The following L3MBTL2 variants were observed in gnomAD, a reference collection of about 807,000 sequenced individuals.
L3MBTL2 encodes L3MBTL histone methyl-lysine binding protein 2, also known as lethal(3)malignant brain tumor-like protein 2.
In L3MBTL2, 49 loss-of-function variants were observed where a neutral mutation model predicts 86.4. The ratio of observed to expected loss-of-function variants is 0.57; its 90% CI spans 0.45 to 0.72. The LOEUF is 0.72. Ranked by LOEUF, L3MBTL2 falls within the 30% of genes least tolerant of loss-of-function variation. The pLI, the probability that L3MBTL2 is intolerant of heterozygous loss-of-function variation, is 0.00. For synonymous variants in L3MBTL2, 336 were observed against 350.6 expected (o/e 0.96, Z 0.47); for missense variants, 755 against 923.7 (o/e 0.82, Z 2.37).
At chr22:41,217,278 C>A (rs530423760) in intron 5 of L3MBTL2, 76 bp downstream of exon 5, 10 of 1,157,874 alleles carry the variant, frequency 8.6e-6, no homozygotes, top group African/African-American at 1.5e-5. Flanking sequence ...TTCACCAGGG[C>A]GGCTTCAGGC....
In L3MBTL2 at chr22:41,227,776, C is replaced by T. The variant is rs1390544470; in HGVS notation, c.1823-28C>T. 10 of 1,613,470 alleles carry T rather than the reference C, an allele frequency of 6.2e-6. No individual in the cohort carries two copies. Among genetic ancestry groups the T allele is most frequent in the African/African-American group, 1.3e-5 (1 of 74,890 alleles). On this transcript the variant is annotated intron_variant, in intron 14 of 16. Transcript: ENST00000216237. This position sits in a 1 kb window ranked among gnomAD's most constrained non-coding sequence, Gnocchi z 6.0. ...GTCCTCCCAGGGACCCTCTTCTCATCTCTTTCACCCTTGTCTTTCAACAAC... is the reference window on the plus strand; with the variant it reads ...GTCCTCCCAGGGACCCTCTTCTCATTTCTTTCACCCTTGTCTTTCAACAAC...
At chr22:41,230,001 C>G (rs1354998216) in intron 16 of L3MBTL2, 138 bp from the exon 17 acceptor site, 4 of 717,106 alleles carry the variant, frequency 5.6e-6, no homozygotes, top group Non-Finnish European at 9.4e-6. Context: ...CACTGCCCTC[C>G]CAGAAGGGAA....
intron 8 of L3MBTL2, among the ~76,000 whole-genome samples, chr22:41,222,955 G>A (rs557802312): frequency 3.9e-5 from 6 of 152,106 alleles, no homozygotes; most frequent in Non-Finnish European, 7.4e-5. Context: ...CAAAAATGGC[G>A]TTGGATTGTG....
Position 41,224,701 on chromosome 22 carries a change from A to G in L3MBTL2, c.1175-24A>G, listed in dbSNP as rs917187413. 1 of 1,594,258 alleles carries G rather than the reference A, an allele frequency of 6.3e-7. No homozygotes were observed. Among genetic ancestry groups the G allele is most frequent in the African/African-American group, 1.3e-5 (1 of 74,588 alleles). On this transcript the variant is annotated intron_variant, in intron 9 of 16. Coordinates refer to ENST00000216237, the MANE Select transcript of L3MBTL2 (RefSeq NM_031488.5). The surrounding 1 kb of genome is among the most constrained non-coding windows in gnomAD (Gnocchi z 4.9). The stretch of plus-strand genomic sequence containing the variant: ...CGCCTCCAACTCCCTTCTCTCCCTC[A>G]TTCCCTATCCATCTCCTCCAAAGAG...
In L3MBTL2 at chr22:41,226,693, C is replaced by A; in HGVS notation, c.1536C>A (p.Asn512Lys). ...GYEAQTFNWE[N>K]YLEKTKSKAA... is the part of the protein sequence containing the mutation. Reference sequence around the variant, plus strand: ...AGGCACAGACTTTCAACTGGGAGAACTACTTGGAGAAGACCAAGTCGAAAG... The same window carrying A: ...AGGCACAGACTTTCAACTGGGAGAAATACTTGGAGAAGACCAAGTCGAAAG... Residue 512 changes from asparagine (N) to lysine (K), a missense_variant, in exon 13 of 17, where the codon AAC becomes AAA. Asn to Lys is a moderately conservative substitution (Grantham distance 94, BLOSUM62 0). Coordinates refer to ENST00000216237, the MANE Select transcript of L3MBTL2 (RefSeq NM_031488.5). 6.2e-7 allele frequency: 1 copy of A among 1,614,020 alleles called. No individual in the cohort carries two copies. The highest frequency in any genetic ancestry group is 8.5e-7 in the Non-Finnish European group (1 of 1,179,872).
chr22:41,223,083 A>G (rs370130629), intron 8 of L3MBTL2, among the ~76,000 whole-genome samples: 3 of 152,176 alleles, frequency 2.0e-5, no homozygotes, highest in African/African-American at 7.2e-5. Context: ...CTGCTGGGAT[A>G]CCGGATGTGG....
Position 41,211,856 on chromosome 22 carries a change from C to CTT in L3MBTL2, c.262+1947_262+1948dup, listed in dbSNP as rs35869187. On this transcript the variant is annotated intron_variant, in intron 2 of 16. Transcript: ENST00000216237. ...ACAGGCGTGAGCCACCGCACCCGGC[C>CTT]TTTTTTTTTTTTTTTTTTTTTTTTT... Among the ~76,000 whole-genome samples, 147 of 67,898 alleles carry CTT rather than the reference C, an allele frequency of 2.2e-3. 1 individual carries two copies. The highest frequency in any genetic ancestry group is 6.7e-3 in the East Asian group (20 of 2,968). 44.5% of individuals were successfully genotyped at this position (67,898 alleles called of 152,430 possible).
At chr22:41,215,941 CT>C (rs1183554726) in intron 3 of L3MBTL2, among the ~76,000 whole-genome samples, 197 bp from the exon 4 acceptor site, 1 of 152,186 alleles carries the variant, frequency 6.6e-6, no homozygotes, top group Non-Finnish European at 1.5e-5. Flanking sequence ...CTAGCACCCC[CT>C]AGCACCCCCG....
rs761057315 is a variant in L3MBTL2, at chr22:41,230,217, C to T, written c.2084C>T (p.Ser695Phe). The T allele has an allele frequency of 5.7e-5, 92 of 1,613,192 alleles. No homozygotes were observed. The highest frequency in any genetic ancestry group is 7.5e-5 in the Non-Finnish European group (88 of 1,179,602). Residue 695 changes from serine to phenylalanine, a missense_variant, in exon 17 of 17, where the codon TCC (serine) becomes TTC (phenylalanine). Coordinates refer to ENST00000216237, the MANE Select transcript of L3MBTL2 (RefSeq NM_031488.5). ...GCTTCAAGTCCAGAGCTGCCTGTCTCCGTCGAGAACATCAAGCAGGAAACA... is the reference window on the plus strand; with the variant it reads ...GCTTCAAGTCCAGAGCTGCCTGTCTTCGTCGAGAACATCAAGCAGGAAACA... ...DKASSPELPV[S>F]VENIKQETDD
Position 41,227,135 on chromosome 22 carries a change from T to G in L3MBTL2, c.1634T>G (p.Val545Gly). 1 of 1,613,638 alleles carries G rather than the reference T, an allele frequency of 6.2e-7. No individual in the cohort carries two copies. Among genetic ancestry groups the G allele is most frequent in the Non-Finnish European group, 8.5e-7 (1 of 1,179,988 alleles). ...AAGGTGGGCATGAAGCTGGAGGCCGTGGACCTGATGGAGCCCCGGCTCATC... is the reference window on the plus strand; with the variant it reads ...AAGGTGGGCATGAAGCTGGAGGCCGGGGACCTGATGGAGCCCCGGCTCATC... ...GFKVGMKLEA[V>G]DLMEPRLICV... Residue 545 changes from valine (V) to glycine (G), a missense_variant, in exon 14 of 17, where the codon GTG (valine) becomes GGG (glycine). By Grantham distance (109) the Val-to-Gly change is moderately radical (BLOSUM62 -3). This residue lies in a region of L3MBTL2 where 634 missense variants were observed against 748.9 expected (regional missense o/e 0.85). Coordinates refer to ENST00000216237, the MANE Select transcript of L3MBTL2 (RefSeq NM_031488.5). This position sits in a 1 kb window ranked among gnomAD's most constrained non-coding sequence, Gnocchi z 6.0.
intron 2 of L3MBTL2, among the ~76,000 whole-genome samples, chr22:41,212,093 T>C (rs868528952): frequency 6.3e-4 from 95 of 151,478 alleles, no homozygotes; most frequent in African/African-American, 1.7e-3. Context: ...CTCAATCTCC[T>C]GACTACGTGA....
intron 15 of L3MBTL2, chr22:41,228,506 G>T: frequency 1.0e-6 from 1 of 985,450 alleles, no homozygotes; most frequent in Non-Finnish European, 1.2e-6. Flanking sequence ...GGTACCATGT[G>T]GGGAAGAGGA....
chr22:41,207,730 A>G lies in L3MBTL2; in HGVS notation c.25-1966A>G, dbSNP rs139404743. Among the ~76,000 whole-genome samples, 119 of 150,226 alleles carry G rather than the reference A, an allele frequency of 7.9e-4. 1 individual carries two copies. In the East Asian group the frequency reaches 0.016, roughly 20 times the overall value. The stretch of plus-strand genomic sequence containing the variant: ...CCTCTGTCATCCAGGCTGGAGTGCA[A>G]TGGTGTGATCATGATTCAGTGCAGC... On this transcript the variant is annotated intron_variant, in intron 1 of 16. Transcript: ENST00000216237.
In L3MBTL2 at chr22:41,216,269, TAGC is replaced by T. The variant is rs776319944; in HGVS notation, c.520+10_520+12del. ...ACACCAACAGGACAAGACGGTAAGATAGCAGAGGGCCCTGCTTAGGAAGCTGCC... is the reference window on the plus strand; with the variant it reads ...ACACCAACAGGACAAGACGGTAAGATAGAGGGCCCTGCTTAGGAAGCTGCC... On this transcript the variant is annotated splice_region_variant and intron_variant, in intron 4 of 16. Transcript: ENST00000216237. The T allele has an allele frequency of 6.2e-6, 10 of 1,612,110 alleles. No individual in the cohort carries two copies. The Admixed American group carries it at 8.3e-5, about 13-fold the overall frequency.
At chr22:41,215,470 G>A (rs1258855242) in intron 3 of L3MBTL2, among the ~76,000 whole-genome samples, 10 of 152,112 alleles carry the variant, frequency 6.6e-5, no homozygotes, top group Admixed American at 6.5e-4. Context: ...GGTTTGTTTG[G>A]GACTTAAACC....
chr22:41,219,457 G>T lies in L3MBTL2; in HGVS notation c.639G>T (p.Gly213=). The part of the protein sequence containing the change: ...LYDQWEDVMK[G]MKVEVLNSDA... ...ACCAGTGGGAGGATGTGATGAAAGG[G>T]ATGAAGGTGGAGGTGCTCAACAGTG... Residue 213 remains glycine (G), a synonymous_variant, in exon 6 of 17, where the codon GGG becomes GGT. Coordinates refer to ENST00000216237, the MANE Select transcript of L3MBTL2 (RefSeq NM_031488.5). 1 of 1,613,954 alleles carries T rather than the reference G, an allele frequency of 6.2e-7. No homozygotes were observed. The highest frequency in any genetic ancestry group is 8.5e-7 in the Non-Finnish European group (1 of 1,179,858).
chr22:41,220,177 GTC>G (rs2031707582), intron 6 of L3MBTL2, among the ~76,000 whole-genome samples: 1 of 152,170 alleles, frequency 6.6e-6, no homozygotes, highest in Non-Finnish European at 1.5e-5. Flanking sequence ...GTGAGATACT[GTC>G]TCTATAAAAA....
In L3MBTL2 at chr22:41,225,112, C is replaced by CG. The variant is rs776411091; in HGVS notation, c.1356+47dup. 55 of 1,534,218 alleles carry CG rather than the reference C, an allele frequency of 3.6e-5. No homozygotes were observed. In the East Asian group the frequency reaches 6.3e-4, roughly 18 times the overall value. ...GCTCTCCAGCCTCCAGATTTCTGAG[C>CG]GGGGGGACCCATGTGGCCCAGAGCT... On this transcript the variant is annotated intron_variant, in intron 11 of 16. Coordinates refer to ENST00000216237, the MANE Select transcript of L3MBTL2 (RefSeq NM_031488.5). The surrounding 1 kb of genome is among the most constrained non-coding windows in gnomAD (Gnocchi z 4.1).
rs374904653 is a variant in L3MBTL2 at position 41,224,224 on chromosome 22, C to T, written c.1147C>T (p.Arg383Cys). Residue 383 changes from arginine to cysteine, a missense_variant, in exon 9 of 17, where the codon CGT becomes TGT. Around this residue, in one of 3 missense-constraint regions of L3MBTL2, gnomAD observed 634 missense variants for 748.9 expected, o/e 0.85. Transcript: ENST00000216237. This position sits in a 1 kb window ranked among gnomAD's most constrained non-coding sequence, Gnocchi z 4.9. ...PLIHPVGWSR[R>C]VGHGIKMSER... Reference sequence around the variant, plus strand: ...GATCCACCCAGTGGGTTGGTCACGACGTGTGGGCCACGGCATCAAGATGTC... The same window carrying T: ...GATCCACCCAGTGGGTTGGTCACGATGTGTGGGCCACGGCATCAAGATGTC... 6.8e-6 allele frequency: 11 copies of T among 1,612,652 alleles called. No homozygotes were observed. The highest frequency in any genetic ancestry group is 6.7e-5 in the African/African-American group (5 of 74,894).
Sources: allele counts gnomAD v4.1 joint callset (sites outside exome capture counted in the v4.1 genomes callset), GRCh38; gene constraint gnomAD v4.1.1; regional missense constraint gnomAD v4.1.1; non-coding constraint Gnocchi (gnomAD v3.1); transcripts MANE v1.5; gene names NCBI Gene and HGNC (gene_info 2026-07-23, HGNC 2026-07-21).